The following SEPTIN7 variants were observed in gnomAD, a reference collection of about 807,000 sequenced individuals.
SEPTIN7 encodes the protein septin 7, also known as septin-7.
In SEPTIN7, 10 loss-of-function variants were observed where a neutral mutation model predicts 63.3. The ratio of observed to expected loss-of-function variants is 0.16; its 90% CI spans 0.10 to 0.27. The LOEUF is 0.27. Among genes scored for constraint, SEPTIN7 ranks in the 10% least tolerant of loss-of-function variants. SEPTIN7 has a pLI of 1.00. For missense variants in SEPTIN7, 310 were observed against 521.0 expected (o/e 0.59, Z 3.94); for synonymous variants, 131 against 165.3 (o/e 0.79, Z 1.59).
At chr7:35,860,967 T>C (rs751837495) in intron 3 of SEPTIN7, among the ~76,000 whole-genome samples, 18 of 152,324 alleles carry the variant, frequency 1.2e-4, no homozygotes, top group Non-Finnish European at 2.5e-4. Context: ...ATTGGTCCAA[T>C]TGATTTATTT....
At chr7:35,873,027 A>G (rs6955154) in intron 5 of SEPTIN7, among the ~76,000 whole-genome samples, 78,502 of 151,918 alleles carry the variant, frequency 0.52, 21,987 homozygotes, top group Admixed American at 0.63. Context: ...TAACATAGGT[A>G]AATAGAAGAA....
intron 1 of SEPTIN7, among the ~76,000 whole-genome samples, chr7:35,812,940 A>G (rs1479224257): frequency 1.3e-5 from 2 of 152,122 alleles, no homozygotes; most frequent in Admixed American, 6.5e-5. Flanking sequence ...ACAGATTTCT[A>G]TTTTTAATCA....
chr7:35,806,698 T>C (rs969332835), intron 1 of SEPTIN7, among the ~76,000 whole-genome samples: 2 of 152,236 alleles, frequency 1.3e-5, no homozygotes, highest in African/African-American at 4.8e-5. Context: ...CTCCTTCTAC[T>C]GCCCCAGGTA....
intron 4 of SEPTIN7, among the ~76,000 whole-genome samples, chr7:35,870,448 A>G (rs1462432625): frequency 6.6e-6 from 1 of 152,170 alleles, no homozygotes; most frequent in African/African-American, 2.4e-5. Flanking sequence ...TAGATTTACT[A>G]TATTGTTGTA....
chr7:35,830,663 C>T (rs1783789397), intron 1 of SEPTIN7, among the ~76,000 whole-genome samples: 1 of 152,184 alleles, frequency 6.6e-6, no homozygotes, highest in Non-Finnish European at 1.5e-5. Context: ...TTGTTTATTA[C>T]ATTTAATTAC....
chr7:35,913,584 T>TTTCC, the SEPTIN7 span, among the ~76,000 whole-genome samples: 2 of 149,668 alleles, frequency 1.3e-5, no homozygotes, highest in African/African-American at 4.9e-5. Flanking sequence ...TCCTTCCTTC[T>TTTCC]TTCCTTCCTT....
At position 35,823,223 on chromosome 7, in the gene SEPTIN7, CAG is replaced by C. The variant is rs1783320175; in HGVS notation, c.62-8266_62-8265del. 4.6e-5 allele frequency among the ~76,000 whole-genome samples: 7 copies of C among 152,084 alleles called. No homozygotes were observed. In the South Asian group the frequency reaches 1.0e-3, roughly 23 times the overall value. Reference sequence around the variant, plus strand: ...CATGTATTTATTTATTTTTTCGAGACAGAGTTTCGCTCTTGTTGCCCAGGCTG... The same window carrying C: ...CATGTATTTATTTATTTTTTCGAGACAGTTTCGCTCTTGTTGCCCAGGCTG... On this transcript the variant is annotated intron_variant, in intron 1 of 13. Transcript: ENST00000350320.
At chr7:35,818,407 G>T (rs1337615255) in intron 1 of SEPTIN7, among the ~76,000 whole-genome samples, 1 of 151,944 alleles carries the variant, frequency 6.6e-6, no homozygotes, top group Non-Finnish European at 1.5e-5. Context: ...ATCCATATAA[G>T]ATATTGGTTG....
At chr7:35,849,423 A>G (rs1028987925) in intron 3 of SEPTIN7, among the ~76,000 whole-genome samples, 2 of 152,148 alleles carry the variant, frequency 1.3e-5, no homozygotes, top group African/African-American at 2.4e-5. Context: ...TAGGGCTTGC[A>G]TTCCTTTGAG....
At chr7:35,873,821 A>G (rs775343519) in intron 6 of SEPTIN7, 46 bp downstream of exon 6, 1 of 1,577,690 alleles carries the variant, frequency 6.3e-7, no homozygotes, top group East Asian at 2.2e-5. Flanking sequence ...GTTGTTGCTT[A>G]CTGTTACCTT....
chr7:35,900,121 C>G (rs553193903), intron 12 of SEPTIN7: 1 of 152,234 alleles, frequency 6.6e-6, no homozygotes, highest in East Asian at 1.9e-4. Flanking sequence ...CAAAAGTATG[C>G]TAATCCATTG....
At chr7:35,811,446 T>C (rs975004648) in intron 1 of SEPTIN7, among the ~76,000 whole-genome samples, 1 of 152,186 alleles carries the variant, frequency 6.6e-6, no homozygotes, top group African/African-American at 2.4e-5. Context: ...GTAAGTTAAT[T>C]TGTATTCTTT....
chr7:35,863,094 G>A (rs1037856675), intron 3 of SEPTIN7, among the ~76,000 whole-genome samples: 2 of 152,030 alleles, frequency 1.3e-5, no homozygotes, highest in African/African-American at 4.8e-5. Flanking sequence ...AATTTTATAC[G>A]GAGATGTTCA....
chr7:35,805,334 A>G (rs1374268843), intron 1 of SEPTIN7, among the ~76,000 whole-genome samples: 1 of 152,258 alleles, frequency 6.6e-6, no homozygotes, highest in African/African-American at 2.4e-5. Flanking sequence ...AACGTTGGAC[A>G]TACTGCATGA....
At chr7:35,846,936 A>T (rs564311347) in intron 3 of SEPTIN7, 1 of 152,372 alleles carries the variant, frequency 6.6e-6, no homozygotes, top group African/African-American at 2.4e-5. Context: ...TTATTAGCAG[A>T]TACCAAATTT....
intron 3 of SEPTIN7, among the ~76,000 whole-genome samples, chr7:35,835,695 A>G (rs1169534582): frequency 2.6e-5 from 4 of 152,222 alleles, no homozygotes; most frequent in South Asian, 4.1e-4. Flanking sequence ...GAACTTAAAT[A>G]GTACAAGTAA....
chr7:35,873,884 C>A, intron 6 of SEPTIN7, 109 bp downstream of exon 6: 1 of 994,602 alleles, frequency 1.0e-6, no homozygotes, highest in Non-Finnish European at 1.5e-6. Context: ...CAACTATAGC[C>A]ATTATGAAGT....
At chr7:35,903,589 G>T (rs910601289) in intron 13 of SEPTIN7, among the ~76,000 whole-genome samples, 2 of 151,822 alleles carry the variant, frequency 1.3e-5, no homozygotes, top group African/African-American at 4.8e-5. Flanking sequence ...CATATTTAGG[G>T]GTATGTTTTA....
intron 1 of SEPTIN7, among the ~76,000 whole-genome samples, chr7:35,816,737 T>G (rs895126961): frequency 6.6e-6 from 1 of 152,190 alleles, no homozygotes; most frequent in African/African-American, 2.4e-5. Flanking sequence ...TTGTCCATAC[T>G]TGTTATTGCC....
Sources: allele counts gnomAD v4.1 joint callset (sites outside exome capture counted in the v4.1 genomes callset), GRCh38; gene constraint gnomAD v4.1.1; transcripts MANE v1.5; gene names NCBI Gene and HGNC (gene_info 2026-07-23, HGNC 2026-07-21).